The following FANCC variants were observed in gnomAD, a reference collection of about 807,000 sequenced individuals.
FANCC encodes FA complementation group C.
FANCC carries 55 observed loss-of-function variants against 71.3 expected under a neutral mutation model. That is an observed-to-expected ratio of 0.77 (90% CI 0.62 to 0.97). FANCC has a LOEUF of 0.97. Ranked by LOEUF, FANCC falls within the 50% of genes least tolerant of loss-of-function variation. The pLI is 0.00. For synonymous variants in FANCC, 275 were observed against 244.9 expected, an observed-to-expected ratio of 1.12 and a Z score of -1.15; for missense variants, 678 against 670.9, an observed-to-expected ratio of 1.01 and a Z score of -0.12.
At position 95,263,312 on chromosome 9, in the gene FANCC, T is replaced by A. The variant is rs77768518; in HGVS notation, c.-78-13943A>T. ...CATTTCCTCTTTGTTAAGAGTTTTGTCCAGGAATCTCAAGGCCATATGTCT... is the reference window on the plus strand; with the variant it reads ...CATTTCCTCTTTGTTAAGAGTTTTGACCAGGAATCTCAAGGCCATATGTCT... On this transcript the variant is annotated intron_variant, in intron 1 of 14. Coordinates refer to ENST00000289081, the MANE Select transcript of FANCC (RefSeq NM_000136.3). Among the ~76,000 whole-genome samples, 20 of 152,128 alleles carry A rather than the reference T, an allele frequency of 1.3e-4. No homozygotes were observed. In the East Asian group the frequency reaches 2.9e-3, roughly 22 times the overall value.
intron 9 of FANCC, among the ~76,000 whole-genome samples, chr9:95,125,777 C>T (rs1564666819): frequency 6.6e-6 from 1 of 152,210 alleles, no homozygotes; most frequent in Non-Finnish European, 1.5e-5. Context: ...GCAGTCTGCC[C>T]TGCAGCCTCT....
chr9:95,165,962 T>C (rs1831041288), intron 6 of FANCC, among the ~76,000 whole-genome samples: 1 of 152,088 alleles, frequency 6.6e-6, no homozygotes, highest in Non-Finnish European at 1.5e-5. Context: ...CTGTGTTAAG[T>C]GCATATATTA....
chr9:95,284,049 C>A (rs1436690714), intron 1 of FANCC, among the ~76,000 whole-genome samples: 1 of 152,166 alleles, frequency 6.6e-6, no homozygotes, highest in Admixed American at 6.5e-5. Flanking sequence ...ATTTTAACAC[C>A]CATTCAATGT....
chr9:95,233,981 G>A (rs1422833272), intron 4 of FANCC, among the ~76,000 whole-genome samples: 1 of 152,180 alleles, frequency 6.6e-6, no homozygotes, highest in East Asian at 1.9e-4. Flanking sequence ...TTCCTCTCAG[G>A]ATATGCATTA....
intron 4 of FANCC, among the ~76,000 whole-genome samples, chr9:95,178,035 T>G (rs1490884702): frequency 6.6e-6 from 1 of 152,192 alleles, no homozygotes; most frequent in African/African-American, 2.4e-5. Flanking sequence ...ATTATAAGAT[T>G]ATTTTTTGCT....
intron 6 of FANCC, 61 bp from the exon 7 acceptor site, chr9:95,150,148 T>G: frequency 1.3e-6 from 2 of 1,584,818 alleles, no homozygotes; most frequent in Non-Finnish European, 1.7e-6. Context: ...TAAGGACATA[T>G]AAAAACCTTC....
chr9:95,123,400 G>A (rs1475129016), intron 10 of FANCC: 1 of 444,352 alleles, frequency 2.3e-6, no homozygotes. Flanking sequence ...AGCACTTTGG[G>A]AGGCCAAGGT....
chr9:95,305,892 G>T (rs918960004), intron 1 of FANCC, among the ~76,000 whole-genome samples: 1 of 152,170 alleles, frequency 6.6e-6, no homozygotes, highest in African/African-American at 2.4e-5. Flanking sequence ...ATTTCCTAGA[G>T]TGTTTATGTT....
intron 1 of FANCC, among the ~76,000 whole-genome samples, chr9:95,281,404 T>C (rs1833376954): frequency 6.6e-6 from 1 of 151,382 alleles, no homozygotes; most frequent in Admixed American, 6.6e-5. Flanking sequence ...GAAAAAAAAA[T>C]TAAAACTATC....
chr9:95,299,589 A>C (rs1834595869), intron 1 of FANCC, among the ~76,000 whole-genome samples: 1 of 152,206 alleles, frequency 6.6e-6, no homozygotes, highest in African/African-American at 2.4e-5. Context: ...GCGGCCCTGC[A>C]GTGGCTCACA....
chr9:95,122,635 C>G (rs1439668775), intron 10 of FANCC, among the ~76,000 whole-genome samples: 1 of 152,214 alleles, frequency 6.6e-6, no homozygotes, highest in Non-Finnish European at 1.5e-5. Flanking sequence ...TTAAAAGCAA[C>G]TGCAACATCA....
At chr9:95,111,040 G>A in intron 13 of FANCC, 1 of 1,457,644 alleles carries the variant, frequency 6.9e-7, no homozygotes, top group Non-Finnish European at 9.0e-7. Flanking sequence ...CAGTCAAGAT[G>A]GAAGCAAGCC....
intron 6 of FANCC, among the ~76,000 whole-genome samples, chr9:95,169,537 A>G (rs1028106702): frequency 2.6e-5 from 4 of 152,250 alleles, no homozygotes; most frequent in African/African-American, 4.8e-5. Flanking sequence ...TTGGATGCAC[A>G]TTCCACTCTT....
intron 1 of FANCC, among the ~76,000 whole-genome samples, chr9:95,279,755 C>G (rs939723080): frequency 5.3e-5 from 8 of 151,998 alleles, no homozygotes; most frequent in African/African-American, 1.9e-4. Flanking sequence ...CAAGACCAGC[C>G]TGGCTAACAT....
rs3030679 is a variant in FANCC at position 95,247,212 on chromosome 9, C to CGTGTGT, written c.250+214_250+219dup. The stretch of plus-strand genomic sequence containing the variant: ...GAAGATCTGCATGGGTGCGTGCACG[C>CGTGTGT]GTGTGTGTGTGTGTGTGTGTGTGTT... On this transcript the variant is annotated intron_variant, in intron 3 of 14. Transcript: ENST00000289081. Among the ~76,000 whole-genome samples, 420 of 149,642 alleles carry CGTGTGT rather than the reference C, an allele frequency of 2.8e-3. 9 individuals are homozygous for CGTGTGT. In the East Asian group the frequency reaches 0.041, roughly 15 times the overall value.
intron 4 of FANCC, among the ~76,000 whole-genome samples, chr9:95,240,393 G>A (rs1220673002): frequency 6.6e-6 from 1 of 152,202 alleles, no homozygotes; most frequent in African/African-American, 2.4e-5. Flanking sequence ...TCACCTGAAA[G>A]AAACTTTTCA....
At chr9:95,250,824 A>G (rs765430330) in intron 1 of FANCC, among the ~76,000 whole-genome samples, 19 of 152,366 alleles carry the variant, frequency 1.2e-4, no homozygotes, top group Non-Finnish European at 1.8e-4. Flanking sequence ...CCCGTCTCCA[A>G]TTCATTCTCT....
intron 4 of FANCC, among the ~76,000 whole-genome samples, chr9:95,177,645 C>A (rs1826099347): frequency 6.6e-6 from 1 of 152,098 alleles, no homozygotes; most frequent in Non-Finnish European, 1.5e-5. Flanking sequence ...ATATCATAAG[C>A]TTTTCTATTT....
intron 7 of FANCC, among the ~76,000 whole-genome samples, chr9:95,137,304 G>A (rs987634223): frequency 1.3e-5 from 2 of 152,198 alleles, no homozygotes; most frequent in African/African-American, 4.8e-5. Flanking sequence ...AGGGTTGACC[G>A]TGGGGCAAGA....
Sources: gnomAD v4.1 joint callset for allele counts (sites outside exome capture counted in the v4.1 genomes callset) on GRCh38, gnomAD v4.1.1 for gene constraint, MANE v1.5 for transcripts, NCBI Gene and HGNC (gene_info 2026-07-23, HGNC 2026-07-21) for gene names.